Variants in UBE2E2 observed in about 807,000 individuals in gnomAD.
The protein encoded by UBE2E2 is ubiquitin conjugating enzyme E2 E2.
A neutral mutation model predicts 24.7 loss-of-function variants in UBE2E2; 6 were observed. The observed-to-expected ratio is 0.24, with a 90% CI of 0.13 to 0.48. UBE2E2 has a LOEUF of 0.48. Ranked by LOEUF, UBE2E2 falls within the 20% of genes least tolerant of loss-of-function variation. UBE2E2 has a pLI of 0.99. For synonymous variants in UBE2E2, 104 were observed against 83.6 expected, an observed-to-expected ratio of 1.24 and a Z score of -1.33; for missense variants, 169 against 245.0, an observed-to-expected ratio of 0.69 and a Z score of 2.07.
intron 3 of UBE2E2, among the ~76,000 whole-genome samples, chr3:23,462,543 A>T (rs1233783846): frequency 6.6e-6 from 1 of 152,104 alleles, no homozygotes; most frequent in Non-Finnish European, 1.5e-5. Flanking sequence ...ACCCCAGCAC[A>T]GTCCTTTCCC....
intron 3 of UBE2E2, among the ~76,000 whole-genome samples, chr3:23,464,852 T>C (rs1698887791): frequency 6.6e-6 from 1 of 152,224 alleles, no homozygotes; most frequent in Non-Finnish European, 1.5e-5. Flanking sequence ...GAGAAAATGC[T>C]TCTTTAATTA....
intron 5 of UBE2E2, among the ~76,000 whole-genome samples, chr3:23,550,397 A>G (rs774720741): frequency 2.6e-5 from 4 of 152,178 alleles, no homozygotes; most frequent in Admixed American, 6.5e-5. Flanking sequence ...CTTGACTGCT[A>G]TCCCCACTGT....
intron 5 of UBE2E2, among the ~76,000 whole-genome samples, chr3:23,537,951 C>G (rs1695304597): frequency 6.6e-6 from 1 of 152,102 alleles, no homozygotes; most frequent in African/African-American, 2.4e-5. Context: ...CATATAACAC[C>G]TCAGTAGGAT....
At chr3:23,455,143 A>T (rs1269500684) in intron 3 of UBE2E2, among the ~76,000 whole-genome samples, 1 of 152,222 alleles carries the variant, frequency 6.6e-6, no homozygotes, top group African/African-American at 2.4e-5. Context: ...CGAGGTAAAT[A>T]GATGGAGCAG....
chr3:23,291,140 G>A (rs1559335282), intron 3 of UBE2E2, among the ~76,000 whole-genome samples: 1 of 150,824 alleles, frequency 6.6e-6, no homozygotes, highest in East Asian at 1.9e-4. Flanking sequence ...CTGACTAGAT[G>A]CAGATTCTCC....
At chr3:23,308,627 C>T (rs912285532) in intron 3 of UBE2E2, among the ~76,000 whole-genome samples, 1 of 152,036 alleles carries the variant, frequency 6.6e-6, no homozygotes, top group Non-Finnish European at 1.5e-5. Context: ...TCAAAATTTG[C>T]TATGTTTTGG....
intron 3 of UBE2E2, among the ~76,000 whole-genome samples, chr3:23,271,469 T>C (rs991747225): frequency 1.3e-5 from 2 of 152,036 alleles, no homozygotes; most frequent in Non-Finnish European, 2.9e-5. Flanking sequence ...GGGACCCGAG[T>C]GGGTTGCTGC....
intron 3 of UBE2E2, among the ~76,000 whole-genome samples, chr3:23,312,316 C>T (rs1188390484): frequency 6.6e-6 from 1 of 152,116 alleles, no homozygotes; most frequent in African/African-American, 2.4e-5. Flanking sequence ...TATTTTGATG[C>T]AGGTATACAA....
At chr3:23,573,253 T>C (rs932093020) in intron 5 of UBE2E2, among the ~76,000 whole-genome samples, 2 of 152,140 alleles carry the variant, frequency 1.3e-5, no homozygotes, top group Non-Finnish European at 2.9e-5. Context: ...ACTGTAAATA[T>C]AGGAGAAAGT....
chr3:23,327,105 G>C (rs1694911612), intron 3 of UBE2E2, among the ~76,000 whole-genome samples: 1 of 152,120 alleles, frequency 6.6e-6, no homozygotes, highest in Admixed American at 6.5e-5. Flanking sequence ...CCAAGTCTTT[G>C]CTATTGTGAA....
intron 3 of UBE2E2, among the ~76,000 whole-genome samples, chr3:23,378,236 T>TAAAAAAAAAAAAAAAAAAAA (rs56808350): frequency 8.5e-6 from 1 of 118,064 alleles, no homozygotes. Context: ...AAATAAGCAG[T>TAAAAAAAAAAAAAAAAAAAA]AAAAAAAAAA....
intron 3 of UBE2E2, among the ~76,000 whole-genome samples, chr3:23,263,809 T>TA (rs1200552310): frequency 6.6e-6 from 1 of 152,156 alleles, no homozygotes; most frequent in Non-Finnish European, 1.5e-5. Context: ...GTGTATATCT[T>TA]AAAAAATCTT....
At chr3:23,388,189 T>TA (rs1696850059) in intron 3 of UBE2E2, among the ~76,000 whole-genome samples, 1 of 152,164 alleles carries the variant, frequency 6.6e-6, no homozygotes. Flanking sequence ...CATTAGGGAG[T>TA]AAATATTCTA....
chr3:23,536,964 A>G (rs1695279835), intron 5 of UBE2E2, among the ~76,000 whole-genome samples: 1 of 152,232 alleles, frequency 6.6e-6, no homozygotes, highest in African/African-American at 2.4e-5. Context: ...ATAATGTATA[A>G]TGAAACCAAT....
chr3:23,510,018 A>G (rs919248321), intron 4 of UBE2E2, among the ~76,000 whole-genome samples: 15 of 152,126 alleles, frequency 9.9e-5, no homozygotes, highest in Admixed American at 1.3e-4. Flanking sequence ...TGCTATTGTG[A>G]ATAGTGCCAC....
At chr3:23,584,176 G>A (rs7634494) in intron 5 of UBE2E2, among the ~76,000 whole-genome samples, 17,777 of 152,182 alleles carry the variant, frequency 0.12, 1,495 homozygotes, top group African/African-American at 0.22. Flanking sequence ...AGATGATCAC[G>A]TGGTTTTTTG....
intron 3 of UBE2E2, among the ~76,000 whole-genome samples, chr3:23,356,284 A>G (rs1276050742): frequency 1.3e-5 from 2 of 152,250 alleles, no homozygotes; most frequent in African/African-American, 4.8e-5. Context: ...CTACAGGGCT[A>G]CAGGGCAATA....
intron 3 of UBE2E2, among the ~76,000 whole-genome samples, chr3:23,324,652 CTTA>C (rs1296129154): frequency 5.3e-5 from 8 of 151,924 alleles, no homozygotes; most frequent in African/African-American, 1.9e-4. Context: ...GTGCTGCATC[CTTA>C]TTATTTTTTG....
At chr3:23,239,046 GT>G (rs1697188562) in intron 3 of UBE2E2, among the ~76,000 whole-genome samples, 2 of 152,002 alleles carry the variant, frequency 1.3e-5, no homozygotes, top group Admixed American at 1.3e-4. Context: ...ATACCTTCAG[GT>G]TCCTAAATTT....
Sources: gnomAD v4.1 joint callset for allele counts (sites outside exome capture counted in the v4.1 genomes callset) on GRCh38, gnomAD v4.1.1 for gene constraint, MANE v1.5 for transcripts, NCBI Gene and HGNC (gene_info 2026-07-23, HGNC 2026-07-21) for gene names.